Variants in ADAMTSL3 observed in about 807,000 individuals in gnomAD.
The protein encoded by ADAMTSL3 is ADAMTS like 3.
ADAMTSL3 carries 128 observed loss-of-function variants against 201.7 expected under a neutral mutation model. That is an observed-to-expected ratio of 0.63 (90% CI 0.55 to 0.73). ADAMTSL3 has a LOEUF of 0.73. Among genes scored for constraint, ADAMTSL3 ranks in the 30% least tolerant of loss-of-function variants. ADAMTSL3 has a pLI of 0.00. For synonymous variants in ADAMTSL3, 738 were observed against 748.4 expected, an observed-to-expected ratio of 0.99 and a Z score of 0.23; for missense variants, 1,990 against 2,119.6, an observed-to-expected ratio of 0.94 and a Z score of 1.20.
At chr15:83,877,343 A>AT (rs1435906709) in intron 9 of ADAMTSL3, among the ~76,000 whole-genome samples, 1 of 152,170 alleles carries the variant, frequency 6.6e-6, no homozygotes, top group African/African-American at 2.4e-5. Context: ...TAGAATCAAT[A>AT]TTTTTTCTAT....
intron 4 of ADAMTSL3, among the ~76,000 whole-genome samples, chr15:83,775,907 T>A (rs1268730598): frequency 6.6e-6 from 1 of 152,202 alleles, no homozygotes; most frequent in Non-Finnish European, 1.5e-5. Context: ...TGTGGCCATC[T>A]TGGTAAGTTC....
chr15:83,751,094 A>G (rs1454939382), intron 3 of ADAMTSL3, among the ~76,000 whole-genome samples: 1 of 152,178 alleles, frequency 6.6e-6, no homozygotes, highest in Non-Finnish European at 1.5e-5. Flanking sequence ...CTAGTTCGAG[A>G]TGGACATTAA....
intron 16 of ADAMTSL3, among the ~76,000 whole-genome samples, chr15:83,919,646 A>G (rs185336886): frequency 2.6e-5 from 4 of 152,272 alleles, no homozygotes; most frequent in East Asian, 3.9e-4. Flanking sequence ...GGAGATGACT[A>G]AGATGGCCTT....
intron 6 of ADAMTSL3, among the ~76,000 whole-genome samples, chr15:83,824,648 C>T (rs1445891988): frequency 6.6e-6 from 1 of 152,128 alleles, no homozygotes; most frequent in African/African-American, 2.4e-5. Context: ...TCCCTCTCTC[C>T]TCGCTAACCC....
chr15:83,903,629 G>A (rs1285759241), intron 15 of ADAMTSL3, among the ~76,000 whole-genome samples: 3 of 151,718 alleles, frequency 2.0e-5, no homozygotes, highest in Non-Finnish European at 4.4e-5. Context: ...TAGAAAAGGG[G>A]GATATCAGCC....
intron 17 of ADAMTSL3, among the ~76,000 whole-genome samples, chr15:83,928,405 A>C (rs1292159550): frequency 1.3e-5 from 2 of 152,244 alleles, no homozygotes; most frequent in Non-Finnish European, 2.9e-5. Flanking sequence ...TTCTAGATTT[A>C]AATCTTACTG....
chr15:83,666,198 C>T (rs562562893), intron 2 of ADAMTSL3, among the ~76,000 whole-genome samples: 1 of 152,234 alleles, frequency 6.6e-6, no homozygotes, highest in South Asian at 2.1e-4. Context: ...GTATTTTCTA[C>T]ATGTCATTAA....
At chr15:83,864,063 G>T (rs922489102) in intron 8 of ADAMTSL3, among the ~76,000 whole-genome samples, 16 of 152,126 alleles carry the variant, frequency 1.1e-4, no homozygotes, top group African/African-American at 3.6e-4. Context: ...ACTAAACCAG[G>T]AAGAAGTTGA....
chr15:83,941,866 A>G (rs1418728257), intron 17 of ADAMTSL3, among the ~76,000 whole-genome samples: 1 of 152,240 alleles, frequency 6.6e-6, no homozygotes, highest in African/African-American at 2.4e-5. Flanking sequence ...TTAAATATCC[A>G]CAAATTAAAA....
At chr15:83,742,635 GATAAAA>G (rs1270661138) in intron 3 of ADAMTSL3, among the ~76,000 whole-genome samples, 1 of 152,112 alleles carries the variant, frequency 6.6e-6, no homozygotes, top group East Asian at 1.9e-4. Context: ...TGGAATAAAA[GATAAAA>G]ATAATAAAGT....
intron 2 of ADAMTSL3, among the ~76,000 whole-genome samples, chr15:83,702,301 G>C (rs1167137586): frequency 6.6e-6 from 1 of 152,236 alleles, no homozygotes; most frequent in South Asian, 2.1e-4. Flanking sequence ...GCCTGACTAT[G>C]CAATAGAAAA....
intron 21 of ADAMTSL3, among the ~76,000 whole-genome samples, chr15:83,985,611 C>T (rs2067460653): frequency 6.6e-6 from 1 of 152,044 alleles, no homozygotes; most frequent in Non-Finnish European, 1.5e-5. Context: ...ATACCTTTTA[C>T]TACTTCATTA....
chr15:83,801,651 A>AATAAATATATATATATAT (rs2063518782), intron 4 of ADAMTSL3, among the ~76,000 whole-genome samples: 2 of 31,274 alleles, frequency 6.4e-5, no homozygotes, highest in Non-Finnish European at 1.3e-4. Flanking sequence ...TATAAATATA[A>AATAAATATATATATATAT]ATATATATAT....
intron 18 of ADAMTSL3, 35 bp from the exon 19 acceptor site, chr15:83,942,868 C>A (rs781267003): frequency 5.6e-6 from 9 of 1,605,872 alleles, no homozygotes; most frequent in Non-Finnish European, 6.8e-6. Flanking sequence ...TAGAGTGGGC[C>A]AAGCCTGCCG....
intron 3 of ADAMTSL3, among the ~76,000 whole-genome samples, chr15:83,752,547 T>G (rs2062653770): frequency 6.6e-6 from 1 of 152,218 alleles, no homozygotes; most frequent in African/African-American, 2.4e-5. Context: ...GTCTTTGGCT[T>G]TACTTTCAAC....
chr15:83,669,874 C>A (rs1355564535), intron 2 of ADAMTSL3, among the ~76,000 whole-genome samples: 2 of 152,016 alleles, frequency 1.3e-5, no homozygotes, highest in African/African-American at 4.8e-5. Context: ...CTCTCACAAC[C>A]CTCATAAATG....
intron 2 of ADAMTSL3, among the ~76,000 whole-genome samples, chr15:83,681,378 A>G (rs1354905146): frequency 1.3e-5 from 2 of 152,192 alleles, no homozygotes; most frequent in Non-Finnish European, 2.9e-5. Flanking sequence ...AGTCATGTGG[A>G]CATACTTAAC....
chr15:83,969,150 A>C (rs1213785638), intron 19 of ADAMTSL3, among the ~76,000 whole-genome samples: 3 of 152,178 alleles, frequency 2.0e-5, no homozygotes, highest in Non-Finnish European at 4.4e-5. Context: ...CTTAAAGTAT[A>C]ATAATTTTAA....
chr15:83,960,736 G>C (rs1238422016), intron 19 of ADAMTSL3, among the ~76,000 whole-genome samples: 1 of 152,196 alleles, frequency 6.6e-6, no homozygotes, highest in Non-Finnish European at 1.5e-5. Flanking sequence ...TCTGAAAGGA[G>C]ATGTGGGTAG....
Sources: allele counts gnomAD v4.1 joint callset (sites outside exome capture counted in the v4.1 genomes callset), GRCh38; gene constraint gnomAD v4.1.1; transcripts MANE v1.5; gene names NCBI Gene and HGNC (gene_info 2026-07-23, HGNC 2026-07-21).